Variants in GTF2IRD1 observed in about 807,000 individuals in gnomAD.
GTF2IRD1 encodes GTF2I repeat domain containing 1.
GTF2IRD1 carries 26 observed loss-of-function variants against 113.2 expected under a neutral mutation model. That is an observed-to-expected ratio of 0.23 (90% confidence interval 0.17 to 0.32). The LOEUF is 0.32. Ranked by LOEUF, GTF2IRD1 falls within the 10% of genes least tolerant of loss-of-function variation. The pLI, the probability that GTF2IRD1 is intolerant of heterozygous loss-of-function variation, is 1.00. For synonymous variants in GTF2IRD1, 484 were observed against 529.1 expected, an observed-to-expected ratio of 0.91 and a Z score of 1.17; for missense variants, 864 against 1,280.8, an observed-to-expected ratio of 0.67 and a Z score of 4.97.
At chr7:74,506,138 T>C (rs913588079) in intron 1 of GTF2IRD1, 2 of 152,244 alleles carry the variant, frequency 1.3e-5, no homozygotes, top group African/African-American at 4.8e-5. Flanking sequence ...TTTCTCGGGA[T>C]GTTTCTGTCC....
chr7:74,513,345 A>G (rs1796744224), intron 3 of GTF2IRD1, among the ~76,000 whole-genome samples: 1 of 152,132 alleles, frequency 6.6e-6, no homozygotes, highest in Admixed American at 6.5e-5. Flanking sequence ...TTGCCCTGTC[A>G]CCCAGGCTGG....
intron 1 of GTF2IRD1, 40 bp from the exon 2 acceptor site, chr7:74,508,035 T>A (rs1554341575): frequency 6.3e-7 from 1 of 1,579,802 alleles, no homozygotes; most frequent in South Asian, 1.2e-5. Flanking sequence ...ACAAGCCCCC[T>A]GCCTTGTGCC....
chr7:74,546,424 G>A (rs1798944116), intron 16 of GTF2IRD1, among the ~76,000 whole-genome samples: 2 of 152,026 alleles, frequency 1.3e-5, no homozygotes, highest in Non-Finnish European at 1.5e-5. Flanking sequence ...GCTTCACCAT[G>A]TTGGCCAGGC....
intron 1 of GTF2IRD1, among the ~76,000 whole-genome samples, chr7:74,471,685 AAAAAC>A (rs1221795742): frequency 2.8e-5 from 2 of 72,678 alleles, no homozygotes; most frequent in South Asian, 3.6e-4. Flanking sequence ...AAAAAAAAAA[AAAAAC>A]AAAAAAAAAA....
chr7:74,528,431 G>A (rs587643811), intron 8 of GTF2IRD1, among the ~76,000 whole-genome samples: 4 of 152,124 alleles, frequency 2.6e-5, no homozygotes, highest in Admixed American at 6.6e-5. Flanking sequence ...TTGAACTCCT[G>A]GGCTCAAGCA....
intron 1 of GTF2IRD1, among the ~76,000 whole-genome samples, chr7:74,469,609 G>A (rs1554331842): frequency 6.6e-6 from 1 of 152,120 alleles, no homozygotes; most frequent in Non-Finnish European, 1.5e-5. Context: ...GAGTCAATGT[G>A]CCTTTCTTTT....
At position 74,557,602 on chromosome 7, in the gene GTF2IRD1, C is replaced by T. The variant is rs1228510897; in HGVS notation, c.2024-37C>T. 11 of 1,468,200 alleles carry T rather than the reference C, an allele frequency of 7.5e-6. No individual in the cohort carries two copies. The East Asian group carries it at 2.3e-4, about 30-fold the overall frequency. The allele number at this position is 1,468,200 out of a possible 1,614,324, so 90.9% of individuals were successfully genotyped here. On this transcript the variant is annotated intron_variant, in intron 19 of 26. Transcript: ENST00000424337. ...AAAAGTCACCAAGTGCTTTTTCACT[C>T]AACAGCCCAAACCCATAATCGTTTT...
chr7:74,500,557 C>T (rs1795977879), intron 1 of GTF2IRD1, among the ~76,000 whole-genome samples: 1 of 152,070 alleles, frequency 6.6e-6, no homozygotes, highest in Admixed American at 6.6e-5. Context: ...GGCCAGGCCT[C>T]TCAGTGTCAC....
intron 22 of GTF2IRD1, among the ~76,000 whole-genome samples, chr7:74,583,711 G>A (rs1801562327): frequency 6.6e-6 from 1 of 152,092 alleles, no homozygotes. Flanking sequence ...GTCACTCCTG[G>A]TTAGCTGCAG....
At chr7:74,521,168 G>A (rs1466935590) in intron 6 of GTF2IRD1, 40 bp from the exon 7 acceptor site, 4 of 1,226,576 alleles carry the variant, frequency 3.3e-6, no homozygotes, top group Non-Finnish European at 4.8e-6. Context: ...AACCCTCTTG[G>A]GTCCCACCTG....
intron 1 of GTF2IRD1, among the ~76,000 whole-genome samples, chr7:74,454,519 C>T (rs1792832146): frequency 6.6e-6 from 1 of 151,992 alleles, no homozygotes; most frequent in Admixed American, 6.5e-5. Context: ...TGAGGTCAGT[C>T]GCGCTGCCCG....
intron 1 of GTF2IRD1, among the ~76,000 whole-genome samples, chr7:74,481,653 T>C (rs1340487073): frequency 6.6e-6 from 1 of 152,138 alleles, no homozygotes; most frequent in Non-Finnish European, 1.5e-5. Flanking sequence ...TCCTGTCCAG[T>C]GTTGGAATCA....
At chr7:74,570,266 G>A (rs1201428378) in intron 22 of GTF2IRD1, among the ~76,000 whole-genome samples, 1 of 151,884 alleles carries the variant, frequency 6.6e-6, no homozygotes, top group African/African-American at 2.4e-5. Flanking sequence ...GGGAGCTTGA[G>A]GCAGGAGAAT....
At chr7:74,558,215 G>C (rs1293369296) in intron 20 of GTF2IRD1, among the ~76,000 whole-genome samples, 1 of 149,534 alleles carries the variant, frequency 6.7e-6, no homozygotes, top group Non-Finnish European at 1.5e-5. Flanking sequence ...CGAGGGGGAG[G>C]TTGCAGTGAG....
At position 74,512,333 on chromosome 7, in the gene GTF2IRD1, C is replaced by CAG. The variant is rs1187324137; in HGVS notation, c.124-494_124-493dup. On this transcript the variant is annotated intron_variant, in intron 2 of 26. Transcript: ENST00000424337. The surrounding 1 kb of genome is among the most constrained non-coding windows in gnomAD (Gnocchi z 4.4). ...TGCCACTGCACTCCAGCCTGGGCGA[C>CAG]AGAGTGAGACTGTGTCTCAAAAAAC... Among the ~76,000 whole-genome samples, 1 of 152,204 alleles carries CAG rather than the reference C, an allele frequency of 6.6e-6. No individual in the cohort carries two copies. Among genetic ancestry groups the CAG allele is most frequent in the African/African-American group, 2.4e-5 (1 of 41,458 alleles).
chr7:74,601,380 C>CA, intron 26 of GTF2IRD1, 200 bp downstream of exon 26: 1 of 1,509,362 alleles, frequency 6.6e-7, no homozygotes, highest in Non-Finnish European at 8.8e-7. Context: ...GTGGGGTACT[C>CA]ACAGGCACTC....
At chr7:74,506,110 G>A (rs1214908887) in intron 1 of GTF2IRD1, 1 of 152,260 alleles carries the variant, frequency 6.6e-6, no homozygotes. Context: ...CCAGAGCCGA[G>A]CTCTGATGCA....
chr7:74,585,368 C>G (rs1801661727), intron 22 of GTF2IRD1, among the ~76,000 whole-genome samples: 1 of 152,024 alleles, frequency 6.6e-6, no homozygotes, highest in Non-Finnish European at 1.5e-5. Flanking sequence ...CTGCCTCGGC[C>G]TCTGAGAGTG....
At chr7:74,487,117 A>C (rs1406703419) in intron 1 of GTF2IRD1, among the ~76,000 whole-genome samples, 12 of 152,164 alleles carry the variant, frequency 7.9e-5, no homozygotes, top group African/African-American at 2.7e-4. Flanking sequence ...GGCTCACTGC[A>C]ACCTCCGCCT....
Sources: gnomAD v4.1 joint callset for allele counts (sites outside exome capture counted in the v4.1 genomes callset) on GRCh38, gnomAD v4.1.1 for gene constraint, Gnocchi (gnomAD v3.1) non-coding constraint, MANE v1.5 for transcripts, NCBI Gene and HGNC (gene_info 2026-07-23, HGNC 2026-07-21) for gene names.